DOCK8: variants seen among roughly 807,000 people sequenced by gnomAD.
DOCK8 encodes the protein dedicator of cytokinesis protein 8.
Under a neutral mutation model 245.6 loss-of-function variants are expected in DOCK8, and 141 were observed. The observed-to-expected ratio is 0.57, with a 90% CI of 0.50 to 0.66. The LOEUF is 0.66. DOCK8 is among the 30% of genes least tolerant of loss of function. The probability of loss-of-function intolerance (pLI) is 0.00; values close to 1 mark genes in which losing one functional copy is unlikely to be tolerated. For missense variants in DOCK8, 2,965 were observed against 2,603.4 expected (o/e 1.14, Z -3.02); for synonymous variants, 1,168 against 970.2 (o/e 1.20, Z -3.79).
At position 377,065 on chromosome 9, in the gene DOCK8, G is replaced by C. The variant is rs2053548151; in HGVS notation, c.2294G>C (p.Ser765Thr). 1 of 1,613,424 alleles carries C rather than the reference G, an allele frequency of 6.2e-7. No homozygotes were observed. Among genetic ancestry groups the C allele is most frequent in the African/African-American group, 1.3e-5 (1 of 74,930 alleles). Residue 765 changes from serine (S) to threonine (T), a missense_variant, in exon 20 of 48, where the codon AGC (serine) becomes ACC (threonine). This residue lies in a region of DOCK8 where 2,825 missense variants were observed against 2,453.5 expected (regional missense o/e 1.15). Coordinates refer to ENST00000432829, the MANE Select transcript of DOCK8 (RefSeq NM_203447.4). Reference protein sequence around the residue: ...FPIRVLDQKISEMALEHELKL... With the variant: ...FPIRVLDQKITEMALEHELKL... Reference sequence around the variant, plus strand: ...ATCCGCGTGCTGGATCAGAAAATCAGCGAGATGGCGCTGGAGCATGAGCTG... The same window carrying C: ...ATCCGCGTGCTGGATCAGAAAATCACCGAGATGGCGCTGGAGCATGAGCTG...
chr9:386,246 A>G (rs1586862691), intron 22 of DOCK8, 85 bp from the exon 23 acceptor site: 1 of 1,155,706 alleles, frequency 8.7e-7, no homozygotes, highest in East Asian at 2.5e-5. Flanking sequence ...GTATAAAAAA[A>G]TGAATTCTGA....
rs144206762 is a variant in DOCK8, at chr9:337,004, A to G, written c.1422+286A>G. On this transcript the variant is annotated intron_variant, in intron 12 of 47. Coordinates refer to ENST00000432829, the MANE Select transcript of DOCK8 (RefSeq NM_203447.4). ...TCTCTGTAGAGTCCTGAGGTGGAGC[A>G]CGGTGAGCAGCTGAGCATGCTAGCT... Among the ~76,000 whole-genome samples the G allele has an allele frequency of 2.4e-4, 37 of 152,254 alleles. No individual in the cohort carries two copies. In the Middle Eastern group the frequency reaches 0.01, roughly 42 times the overall value.
intron 23 of DOCK8, 129 bp downstream of exon 23, chr9:386,555 C>G: frequency 5.2e-6 from 4 of 764,672 alleles, no homozygotes; most frequent in Non-Finnish European, 8.9e-6. Flanking sequence ...CACACACACA[C>G]CCCACACACA....
At chr9:240,585 A>G (rs909624602) in intron 1 of DOCK8, among the ~76,000 whole-genome samples, 1 of 152,148 alleles carries the variant, frequency 6.6e-6, no homozygotes, top group Non-Finnish European at 1.5e-5. Context: ...ATTATGGACA[A>G]TTTCTTTTTA....
At chr9:235,305 C>T (rs1305614547) in intron 1 of DOCK8, among the ~76,000 whole-genome samples, 1 of 152,116 alleles carries the variant, frequency 6.6e-6, no homozygotes, top group Admixed American at 6.5e-5. Context: ...CAGTCTGCCC[C>T]TACTGGGGGG....
intron 8 of DOCK8, 100 bp from the exon 9 acceptor site, chr9:327,922 T>C (rs990994987): frequency 1.6e-5 from 18 of 1,150,490 alleles, no homozygotes; most frequent in Non-Finnish European, 2.2e-5. Context: ...ACTTACTCCT[T>C]CAGCAAAATT....
chr9:278,837 C>A (rs1203562769), intron 2 of DOCK8, among the ~76,000 whole-genome samples: 2 of 152,174 alleles, frequency 1.3e-5, no homozygotes, highest in African/African-American at 2.4e-5. Flanking sequence ...TCACAGGCCT[C>A]AGAGACTGTA....
intron 10 of DOCK8, among the ~76,000 whole-genome samples, 192 bp downstream of exon 10, chr9:332,670 T>G (rs952518736): frequency 2.7e-5 from 4 of 145,988 alleles, no homozygotes; most frequent in Admixed American, 6.8e-5. Flanking sequence ...TTTTTTTTTT[T>G]TTTTTGAGGC....
chr9:334,665 C>T (rs1351776121), intron 11 of DOCK8, among the ~76,000 whole-genome samples: 1 of 152,068 alleles, frequency 6.6e-6, no homozygotes, highest in African/African-American at 2.4e-5. Context: ...TAGCCACCCG[C>T]TCTCAAAAGT....
chr9:215,568 T>A lies in DOCK8; in HGVS notation c.53+539T>A, dbSNP rs531562326. On this transcript the variant is annotated intron_variant, in intron 1 of 47. Transcript: ENST00000432829. ...CTTGGCTCCTGGTGGCATCGCTATTTTTATACCCTGGTCCAAAGGAGCCAT... is the reference window on the plus strand; with the variant it reads ...CTTGGCTCCTGGTGGCATCGCTATTATTATACCCTGGTCCAAAGGAGCCAT... 4.2e-4 allele frequency: 387 copies of A among 915,418 alleles called. 1 individual carries two copies. In the African/African-American group the frequency reaches 6.4e-3, roughly 15 times the overall value. The allele number at this position is 915,418 out of a possible 1,614,324, so 56.7% of individuals were successfully genotyped here. A position where few individuals can be genotyped will look rare whatever the true frequency, so the allele number is the denominator to read the frequency against.
intron 14 of DOCK8, among the ~76,000 whole-genome samples, chr9:363,081 T>G (rs1165948572): frequency 1.3e-5 from 2 of 152,210 alleles, no homozygotes; most frequent in Non-Finnish European, 2.9e-5. Context: ...ATTTGGAGTT[T>G]CCAAAATAGT....
chr9:460,554 C>T (rs1022559299), intron 46 of DOCK8: 3 of 152,178 alleles, frequency 2.0e-5, no homozygotes, highest in African/African-American at 7.2e-5. Context: ...ATATGCCTTC[C>T]CTTCTATTTC....
At chr9:259,378 T>C (rs966556196) in intron 1 of DOCK8, among the ~76,000 whole-genome samples, 1 of 152,230 alleles carries the variant, frequency 6.6e-6, no homozygotes, top group Non-Finnish European at 1.5e-5. Flanking sequence ...AGTTTTTAAG[T>C]ACACTATTTA....
intron 1 of DOCK8, among the ~76,000 whole-genome samples, chr9:241,165 A>G (rs546191247): frequency 5.3e-5 from 8 of 152,318 alleles, no homozygotes; most frequent in South Asian, 2.1e-4. Flanking sequence ...ACATATAATT[A>G]TAGTGATCAG....
intron 1 of DOCK8, 29 bp from the exon 2 acceptor site, chr9:271,598 T>C (rs1223311750): frequency 7.0e-7 from 1 of 1,432,000 alleles, no homozygotes; most frequent in Non-Finnish European, 9.6e-7. Context: ...AATAATCATT[T>C]CATTTAGATT....
intron 23 of DOCK8, among the ~76,000 whole-genome samples, chr9:387,858 C>T (rs1453433818): frequency 6.6e-6 from 1 of 152,202 alleles, no homozygotes; most frequent in Non-Finnish European, 1.5e-5. Flanking sequence ...CTTCTTTAAC[C>T]CATGTCCTGT....
chr9:391,277 C>G (rs939015392), intron 24 of DOCK8, among the ~76,000 whole-genome samples: 59 of 152,172 alleles, frequency 3.9e-4, no homozygotes, highest in African/African-American at 1.4e-3. Flanking sequence ...CTCTATTATC[C>G]TCCTTCTGAG....
chr9:319,944 T>G (rs2050513251), intron 7 of DOCK8, among the ~76,000 whole-genome samples: 2 of 152,248 alleles, frequency 1.3e-5, no homozygotes, highest in Non-Finnish European at 2.9e-5. Flanking sequence ...CCAGGCAGTT[T>G]CTTTTAAATG....
chr9:232,704 C>T (rs1236197691), intron 1 of DOCK8, among the ~76,000 whole-genome samples: 1 of 152,188 alleles, frequency 6.6e-6, no homozygotes. Context: ...ATAGTATTCT[C>T]TGATGGTAGT....
Sources: allele counts gnomAD v4.1 joint callset (sites outside exome capture counted in the v4.1 genomes callset), GRCh38; gene constraint gnomAD v4.1.1; regional missense constraint gnomAD v4.1.1; transcripts MANE v1.5; gene names NCBI Gene and HGNC (gene_info 2026-07-23, HGNC 2026-07-21).